The following FOXP2 variants were observed in gnomAD, a reference collection of about 807,000 sequenced individuals.
FOXP2 encodes forkhead box protein P2.
A neutral mutation model predicts 115.8 loss-of-function variants in FOXP2; 12 were observed. The observed-to-expected ratio is 0.10, with a 90% CI of 0.07 to 0.17. The LOEUF is 0.17. Ranked by LOEUF, FOXP2 falls within the 10% of genes least tolerant of loss-of-function variation. The probability of loss-of-function intolerance (pLI) is 1.00; values close to 1 mark genes in which losing one functional copy is unlikely to be tolerated. For synonymous variants in FOXP2, 328 were observed against 297.7 expected, an observed-to-expected ratio of 1.10 and a Z score of -1.05; for missense variants, 629 against 843.5, an observed-to-expected ratio of 0.75 and a Z score of 3.15.
intron 2 of FOXP2, among the ~76,000 whole-genome samples, chr7:114,475,955 C>A (rs1342127408): frequency 1.3e-5 from 2 of 151,932 alleles, no homozygotes; most frequent in African/African-American, 4.8e-5. Context: ...ATGTAACAAA[C>A]ATATACATGT....
At chr7:114,088,229 G>GTGGGCAGGCTT (rs1799465697) in intron 1 of FOXP2, 1 of 151,598 alleles carries the variant, frequency 6.6e-6, no homozygotes, top group African/African-American at 2.4e-5. Context: ...TCGCTCCCTG[G>GTGGGCAGGCTT]TGGGCAGGCT....
chr7:114,290,315 T>A (rs1423400191), intron 2 of FOXP2, among the ~76,000 whole-genome samples: 3 of 152,040 alleles, frequency 2.0e-5, no homozygotes, highest in Non-Finnish European at 4.4e-5. Context: ...ATACAACTTA[T>A]AACTGAGATT....
At chr7:114,496,601 G>A (rs906665984) in intron 2 of FOXP2, among the ~76,000 whole-genome samples, 4 of 152,084 alleles carry the variant, frequency 2.6e-5, no homozygotes, top group Non-Finnish European at 5.9e-5. Flanking sequence ...TAAATTACTA[G>A]TTAATTCAGA....
intron 1 of FOXP2, among the ~76,000 whole-genome samples, chr7:114,118,891 A>G (rs574173050): frequency 1.3e-5 from 2 of 152,108 alleles, no homozygotes; most frequent in Non-Finnish European, 2.9e-5. Flanking sequence ...CCAGAGGAGA[A>G]CCCTGAATTG....
At chr7:114,252,859 T>A (rs1333084979) in intron 1 of FOXP2, among the ~76,000 whole-genome samples, 1 of 152,220 alleles carries the variant, frequency 6.6e-6, no homozygotes, top group Non-Finnish European at 1.5e-5. Context: ...TGCTCTTGCT[T>A]CTCTAGTTCT....
chr7:114,155,905 G>T (rs2129149546), intron 1 of FOXP2, among the ~76,000 whole-genome samples: 1 of 152,190 alleles, frequency 6.6e-6, no homozygotes, highest in East Asian at 1.9e-4. Flanking sequence ...GTTTCTGGGG[G>T]GTTGCATCCC....
intron 3 of FOXP2, among the ~76,000 whole-genome samples, chr7:114,572,222 A>G (rs1801341354): frequency 6.6e-6 from 1 of 151,262 alleles, no homozygotes; most frequent in Admixed American, 6.6e-5. Flanking sequence ...AACATATCCT[A>G]TTCTATAGAA....
chr7:114,113,560 C>T (rs942938752), intron 1 of FOXP2, among the ~76,000 whole-genome samples: 2 of 151,938 alleles, frequency 1.3e-5, no homozygotes, highest in Non-Finnish European at 1.5e-5. Context: ...TTTGTAGGGA[C>T]GGCCTCACTT....
At chr7:114,169,580 G>C (rs1047233192) in intron 1 of FOXP2, among the ~76,000 whole-genome samples, 1 of 152,174 alleles carries the variant, frequency 6.6e-6, no homozygotes, top group African/African-American at 2.4e-5. Flanking sequence ...GACTTGGCTT[G>C]TCTCAGATGA....
At chr7:114,316,718 C>T (rs184552856) in intron 2 of FOXP2, among the ~76,000 whole-genome samples, 19 of 152,034 alleles carry the variant, frequency 1.2e-4, no homozygotes, top group Admixed American at 1.1e-3. Context: ...ATGTTTAAAG[C>T]GTTGCTCAGA....
Position 114,480,606 on chromosome 7 carries a change from C to T in FOXP2, c.168+53927C>T, listed in dbSNP as rs964787237. On this transcript the variant is annotated intron_variant, in intron 2 of 16. Coordinates refer to ENST00000350908, the MANE Select transcript of FOXP2 (RefSeq NM_014491.4). ...ATATATACATATACATTCATATATA[C>T]ATATATAAACATATATACATGTATA... is the stretch of plus-strand genomic sequence containing the variant. Among the ~76,000 whole-genome samples, 5 of 149,388 alleles carry T rather than the reference C, an allele frequency of 3.3e-5. No individual in the cohort carries two copies. In the East Asian group the frequency reaches 9.8e-4, roughly 29 times the overall value.
chr7:114,190,694 T>TTC (rs1793735145), intron 1 of FOXP2, among the ~76,000 whole-genome samples: 1 of 152,180 alleles, frequency 6.6e-6, no homozygotes, highest in Non-Finnish European at 1.5e-5. Flanking sequence ...GTGTCTGATT[T>TTC]TCTCCCTCCC....
chr7:114,587,008 C>G (rs1199137389), intron 3 of FOXP2, among the ~76,000 whole-genome samples: 1 of 151,454 alleles, frequency 6.6e-6, no homozygotes, highest in African/African-American at 2.4e-5. Flanking sequence ...CTATTTAAAG[C>G]TGAGTTTAGT....
chr7:114,383,906 A>G lies in FOXP2; in HGVS notation c.-10-42596A>G, dbSNP rs191860733. On this transcript the variant is annotated intron_variant, in intron 2 of 17. Coordinates refer to the FOXP2 transcript ENST00000634411. ...TCTTTTCCAGGGTGCGTAACCACCC[A>G]TGGACCTCTGCTTATCAGATTAGTG... Among the ~76,000 whole-genome samples the G allele has an allele frequency of 4.6e-5, 7 of 152,328 alleles. No individual in the cohort carries two copies. The East Asian group carries it at 9.7e-4, about 21-fold the overall frequency.
At position 114,629,939 on chromosome 7, in the gene FOXP2, ACAACAGCAGCAGCAGCAG is replaced by A. The variant is rs772134830; in HGVS notation, c.558_575del (p.Gln186_Gln191del). 302 of 1,610,584 alleles carry A rather than the reference ACAACAGCAGCAGCAGCAG, an allele frequency of 1.9e-4. No homozygotes were observed. The highest frequency in any genetic ancestry group is 2.2e-4 in the Non-Finnish European group (265 of 1,179,044). On this transcript the variant is annotated inframe_deletion, in exon 5 of 17. Transcript: ENST00000350908. ...AGCAACAACAACAACAACAGCAGCA[ACAACAGCAGCAGCAGCAG>A]CAACAGCAGCAGCAGCAGCAACAGC... is the stretch of plus-strand genomic sequence containing the variant.
intron 1 of FOXP2, among the ~76,000 whole-genome samples, chr7:114,252,856 G>T (rs866792515): frequency 1.3e-5 from 2 of 152,038 alleles, no homozygotes; most frequent in African/African-American, 2.4e-5. Flanking sequence ...GTTTGCTCTT[G>T]CTTCTCTAGT....
At chr7:114,441,216 G>C (rs1213789374) in intron 2 of FOXP2, among the ~76,000 whole-genome samples, 2 of 152,140 alleles carry the variant, frequency 1.3e-5, no homozygotes, top group Non-Finnish European at 2.9e-5. Context: ...GGGAGGCTGA[G>C]GCGGGTGGAT....
At chr7:114,540,890 A>C (rs1315288254) in intron 3 of FOXP2, among the ~76,000 whole-genome samples, 1 of 152,084 alleles carries the variant, frequency 6.6e-6, no homozygotes, top group South Asian at 2.1e-4. Context: ...AGAAATACAC[A>C]TCGCTGATTG....
intron 1 of FOXP2, among the ~76,000 whole-genome samples, chr7:114,268,096 G>A (rs539433311): frequency 6.6e-6 from 1 of 152,222 alleles, no homozygotes; most frequent in African/African-American, 2.4e-5. Context: ...TCAGCATAAT[G>A]TCTTCAAGGT....
Sources: allele counts gnomAD v4.1 joint callset (sites outside exome capture counted in the v4.1 genomes callset), GRCh38; gene constraint gnomAD v4.1.1; transcripts MANE v1.5; gene names NCBI Gene and HGNC (gene_info 2026-07-23, HGNC 2026-07-21).